The following IL1RAPL1 variants were observed in gnomAD, a reference collection of about 807,000 sequenced individuals.
IL1RAPL1 encodes the protein interleukin-1 receptor accessory protein-like 1.
A neutral mutation model predicts 48.4 loss-of-function variants in IL1RAPL1; 3 were observed. That is an observed-to-expected ratio of 0.06 (90% CI 0.03 to 0.16). The LOEUF (loss-of-function observed/expected upper bound fraction) is 0.16, where lower values mean the gene tolerates loss of function less well. IL1RAPL1 is among the 10% of genes least tolerant of loss of function. The pLI is 1.00. For synonymous variants in IL1RAPL1, 185 were observed against 187.7 expected (o/e 0.99, Z 0.12); for missense variants, 349 against 530.6 (o/e 0.66, Z 3.36).
intron 2 of IL1RAPL1, among the ~76,000 whole-genome samples, chrX:28,960,183 C>G (rs960104638): frequency 9.0e-6 from 1 of 111,540 alleles, no homozygotes; most frequent in African/African-American, 3.3e-5. Flanking sequence ...TACAGATGAT[C>G]GTAGATTCCT....
At chrX:29,533,493 T>A (rs1921113495) in intron 5 of IL1RAPL1, among the ~76,000 whole-genome samples, 1 of 112,638 alleles carries the variant, frequency 8.9e-6, no homozygotes, top group Non-Finnish European at 1.9e-5. Flanking sequence ...ATTTTATTCA[T>A]CCATCAGTTG....
chrX:29,333,340 C>T (rs764653860), intron 3 of IL1RAPL1, among the ~76,000 whole-genome samples: 2 of 107,970 alleles, frequency 1.9e-5, no homozygotes, highest in South Asian at 8.4e-4. Flanking sequence ...TCCTCACTTC[C>T]CAGTAGGGGC....
chrX:28,671,159 A>G, intron 1 of IL1RAPL1, among the ~76,000 whole-genome samples: 1 of 111,959 alleles, frequency 8.9e-6, no homozygotes, highest in East Asian at 2.8e-4. Flanking sequence ...TGTAATGAAA[A>G]CTTAATCTCA....
intron 2 of IL1RAPL1, among the ~76,000 whole-genome samples, chrX:29,092,411 A>G (rs1232010411): frequency 1.8e-5 from 2 of 112,020 alleles, no homozygotes. Flanking sequence ...ACTGTTTCCC[A>G]AACTTAAGTG....
At chrX:29,429,292 C>A (rs978232387) in intron 5 of IL1RAPL1, among the ~76,000 whole-genome samples, 1 of 111,920 alleles carries the variant, frequency 8.9e-6, no homozygotes, top group Non-Finnish European at 1.9e-5. Flanking sequence ...AGAGTAGGAT[C>A]CTCAAAGCCC....
chrX:29,004,177 T>C (rs150998272), intron 2 of IL1RAPL1, among the ~76,000 whole-genome samples: 87 of 112,084 alleles, frequency 7.8e-4, no homozygotes, highest in African/African-American at 2.8e-3. Context: ...GAAGATACAG[T>C]TGATTTAATA....
chrX:29,066,190 G>C (rs907184861), intron 2 of IL1RAPL1, among the ~76,000 whole-genome samples: 5 of 111,992 alleles, frequency 4.5e-5, no homozygotes, highest in South Asian at 3.7e-4. Flanking sequence ...GATTGCTTTT[G>C]TTGTTGTTTG....
At chrX:29,315,925 AAG>A (rs772589219) in intron 3 of IL1RAPL1, among the ~76,000 whole-genome samples, 1 of 112,070 alleles carries the variant, frequency 8.9e-6, no homozygotes, top group East Asian at 2.8e-4. Context: ...ATAAAGAAGA[AAG>A]AGAGAGCTCA....
At chrX:29,450,379 A>G (rs1224962218) in intron 5 of IL1RAPL1, among the ~76,000 whole-genome samples, 1 of 111,595 alleles carries the variant, frequency 9.0e-6, no homozygotes, top group African/African-American at 3.3e-5. Flanking sequence ...TTAGGATTTT[A>G]TGGGCCACAC....
intron 2 of IL1RAPL1, among the ~76,000 whole-genome samples, chrX:29,080,274 G>A (rs1001239826): frequency 1.9e-4 from 21 of 110,069 alleles, no homozygotes; most frequent in African/African-American, 7.0e-4. Flanking sequence ...AAGTACATGC[G>A]AGGCTGAGGT....
In IL1RAPL1 at chrX:29,378,824, G is replaced by C. The variant is rs894645532; in HGVS notation, c.363-17434G>C. Among the ~76,000 whole-genome samples, 6 of 112,096 alleles carry C rather than the reference G, an allele frequency of 5.4e-5. No homozygotes were observed. In the Admixed American group the frequency reaches 5.7e-4, roughly 11 times the overall value. On this transcript the variant is annotated intron_variant, in intron 3 of 10. Coordinates refer to ENST00000378993, the MANE Select transcript of IL1RAPL1 (RefSeq NM_014271.4). ...CACCAGGCCTGCTCCTGGGTCTTAG[G>C]AAACCCCTCTGATTACTTCCACCAT...
chrX:28,699,839 A>G (rs1935275284), intron 1 of IL1RAPL1, among the ~76,000 whole-genome samples: 1 of 112,061 alleles, frequency 8.9e-6, no homozygotes, highest in East Asian at 2.8e-4. Context: ...AAAGGCCTTC[A>G]CTGCTGGACT....
chrX:28,739,086 A>G (rs1478141564), intron 1 of IL1RAPL1, among the ~76,000 whole-genome samples: 1 of 111,201 alleles, frequency 9.0e-6, no homozygotes, highest in African/African-American at 3.3e-5. Flanking sequence ...CAAGATACCT[A>G]CACAGCATTC....
chrX:29,486,535 C>T (rs1327662620), intron 5 of IL1RAPL1, among the ~76,000 whole-genome samples: 1 of 103,137 alleles, frequency 9.7e-6, no homozygotes, highest in Non-Finnish European at 2.0e-5. Flanking sequence ...ATTGTAACCT[C>T]TCTATTCCCA....
intron 6 of IL1RAPL1, among the ~76,000 whole-genome samples, chrX:29,866,793 T>C (rs1319823633): frequency 9.2e-6 from 1 of 108,672 alleles, no homozygotes; most frequent in African/African-American, 3.4e-5. Flanking sequence ...ACTCGAGCTC[T>C]CACCACTGCT....
At chrX:29,323,716 TATATATATATATATATATATATATA>T (rs1932821504) in intron 3 of IL1RAPL1, among the ~76,000 whole-genome samples, 1 of 3,798 alleles carries the variant, frequency 2.6e-4, no homozygotes, top group African/African-American at 1.7e-3. Flanking sequence ...GAATTTTTTA[TATATATATATATATATATATATATA>T]TATATATATA....
chrX:28,932,234 TA>T (rs766485802), intron 2 of IL1RAPL1, among the ~76,000 whole-genome samples: 32 of 110,603 alleles, frequency 2.9e-4, no homozygotes, highest in African/African-American at 8.8e-4. Context: ...CAAATTGAGA[TA>T]GGGGTTGTAA....
chrX:29,803,029 G>A (rs1471777992), intron 6 of IL1RAPL1, among the ~76,000 whole-genome samples: 5 of 76,605 alleles, frequency 6.5e-5, no homozygotes, highest in African/African-American at 2.3e-4. Flanking sequence ...ACATATACAT[G>A]TATGCATATA....
intron 1 of IL1RAPL1, among the ~76,000 whole-genome samples, chrX:28,744,924 G>A (rs1232096802): frequency 9.0e-6 from 1 of 110,662 alleles, no homozygotes; most frequent in African/African-American, 3.3e-5. Flanking sequence ...CTTATTAAAG[G>A]CAATTAGATG....
Sources: gnomAD v4.1 joint callset for allele counts (sites outside exome capture counted in the v4.1 genomes callset) on GRCh38, gnomAD v4.1.1 for gene constraint, MANE v1.5 for transcripts, NCBI Gene and HGNC (gene_info 2026-07-23, HGNC 2026-07-21) for gene names.